The following RARB variants were observed in gnomAD, a reference collection of about 807,000 sequenced individuals.
The protein encoded by RARB is HBV-activated protein.
Under a neutral mutation model 51.9 loss-of-function variants are expected in RARB, and 17 were observed. That is an observed-to-expected ratio of 0.33 (90% CI 0.22 to 0.49). The LOEUF (loss-of-function observed/expected upper bound fraction) is 0.49, where lower values mean the gene tolerates loss of function less well. Ranked by LOEUF, RARB falls within the 20% of genes least tolerant of loss-of-function variation. The pLI, the probability that RARB is intolerant of heterozygous loss-of-function variation, is 0.99. For synonymous variants in RARB, 215 were observed against 195.4 expected (o/e 1.10, Z -0.84); for missense variants, 369 against 550.8 (o/e 0.67, Z 3.30).
chr3:25,260,172 G>A (rs951579888), intron 5 of RARB, among the ~76,000 whole-genome samples: 1 of 152,128 alleles, frequency 6.6e-6, no homozygotes, highest in African/African-American at 2.4e-5. Context: ...CCTGGAATAG[G>A]GCACCCTGGT....
At position 25,247,760 on chromosome 3, in the gene RARB, C is replaced by G. The variant is rs140657821; in HGVS notation, c.178+73185C>G. ...TGGGAGCTGCAGATGGGAGCTGTTC[C>G]TATTTGGCCATCTTGCCCGGGAATC... On this transcript the variant is annotated intron_variant, in intron 5 of 11. Transcript: ENST00000383772. Among the ~76,000 whole-genome samples, 285 of 152,330 alleles carry G rather than the reference C, an allele frequency of 1.9e-3. 2 individuals carry two copies. Among genetic ancestry groups the G allele is most frequent in the Middle Eastern group, 0.014 (4 of 294 alleles).
chr3:25,203,572 G>A (rs983731048), intron 5 of RARB, among the ~76,000 whole-genome samples: 6 of 152,298 alleles, frequency 3.9e-5, no homozygotes, highest in South Asian at 2.1e-4. Flanking sequence ...GCTGGTACTG[G>A]TTGTTCCTTT....
At chr3:24,956,783 TAA>T (rs1037430738) in intron 2 of RARB, among the ~76,000 whole-genome samples, 33 of 152,330 alleles carry the variant, frequency 2.2e-4, no homozygotes, top group African/African-American at 7.7e-4. Flanking sequence ...GAAGTGAACT[TAA>T]GTCAACTTCC....
At chr3:25,464,923 TTAATA>T (rs1695355432) in intron 2 of RARB, among the ~76,000 whole-genome samples, 1 of 152,056 alleles carries the variant, frequency 6.6e-6, no homozygotes, top group Non-Finnish European at 1.5e-5. Flanking sequence ...GGTTATACAA[TTAATA>T]TAGTAGTTTA....
intron 2 of RARB, among the ~76,000 whole-genome samples, chr3:25,040,505 G>T (rs908647726): frequency 1.3e-5 from 2 of 152,078 alleles, no homozygotes; most frequent in African/African-American, 4.8e-5. Flanking sequence ...GGCCTAGGTC[G>T]GCAGATCGCT....
chr3:25,140,328 C>A (rs77817800), intron 4 of RARB, among the ~76,000 whole-genome samples: 3 of 152,108 alleles, frequency 2.0e-5, no homozygotes, highest in Non-Finnish European at 4.4e-5. Flanking sequence ...AGTCAAAATA[C>A]CCACATTTTG....
chr3:24,928,461 G>A (rs781692492), intron 2 of RARB, among the ~76,000 whole-genome samples: 9 of 151,976 alleles, frequency 5.9e-5, no homozygotes, highest in Non-Finnish European at 1.2e-4. Flanking sequence ...CTCCTGAAAT[G>A]TGTTGTACTT....
At position 25,405,407 on chromosome 3, in the gene RARB, A is replaced by G. The variant is rs113552112; in HGVS notation, c.179-55786A>G. 4.6e-5 allele frequency among the ~76,000 whole-genome samples: 7 copies of G among 152,350 alleles called. No individual in the cohort carries two copies. In the South Asian group the frequency reaches 1.2e-3, roughly 27 times the overall value. On this transcript the variant is annotated intron_variant, in intron 5 of 11. Transcript: ENST00000383772. ...ATAAAACAAAATGACAGCCATGAAT[A>G]TACTTGCAAACGTATTATAAGCATT...
intron 3 of RARB, among the ~76,000 whole-genome samples, chr3:25,109,527 A>G (rs1699564986): frequency 6.6e-6 from 1 of 152,206 alleles, no homozygotes; most frequent in Non-Finnish European, 1.5e-5. Flanking sequence ...AGCAAAATAT[A>G]TTTGAAAGTT....
chr3:25,050,445 T>C (rs930588459), intron 2 of RARB, among the ~76,000 whole-genome samples: 1 of 152,014 alleles, frequency 6.6e-6, no homozygotes, highest in Non-Finnish European at 1.5e-5. Flanking sequence ...AAAAAAAAAA[T>C]TAACTCTCAT....
intron 5 of RARB, among the ~76,000 whole-genome samples, chr3:25,418,646 G>A (rs1707773149): frequency 6.6e-6 from 1 of 152,108 alleles, no homozygotes; most frequent in Admixed American, 6.6e-5. Context: ...AAGGTGGTAA[G>A]GGGGGACCAT....
At chr3:25,583,884 T>C (rs1701284209) in intron 5 of RARB, among the ~76,000 whole-genome samples, 1 of 152,170 alleles carries the variant, frequency 6.6e-6, no homozygotes, top group African/African-American at 2.4e-5. Flanking sequence ...TGTTTCTTTC[T>C]TCACTCAAGA....
chr3:25,387,956 G>A (rs1303575574), intron 5 of RARB, among the ~76,000 whole-genome samples: 3 of 151,940 alleles, frequency 2.0e-5, no homozygotes, highest in Admixed American at 6.6e-5. Flanking sequence ...AACTTTCTTA[G>A]AGGCATAAAT....
intron 2 of RARB, among the ~76,000 whole-genome samples, chr3:24,865,388 T>A (rs544407534): frequency 2.6e-5 from 4 of 152,296 alleles, no homozygotes; most frequent in African/African-American, 9.6e-5. Context: ...GTATTTTTTT[T>A]ATGCCAAGCA....
chr3:25,472,265 T>A (rs957022806), intron 2 of RARB, among the ~76,000 whole-genome samples: 1 of 152,152 alleles, frequency 6.6e-6, no homozygotes, highest in African/African-American at 2.4e-5. Context: ...TCCTCTTAGG[T>A]TCTTAGCATC....
At chr3:24,916,340 G>A (rs767173547) in intron 2 of RARB, among the ~76,000 whole-genome samples, 1 of 152,070 alleles carries the variant, frequency 6.6e-6, no homozygotes, top group East Asian at 1.9e-4. Flanking sequence ...CCCACAGAAG[G>A]GCATCAGGAG....
At chr3:25,281,849 T>A (rs1703530959) in intron 5 of RARB, among the ~76,000 whole-genome samples, 2 of 152,224 alleles carry the variant, frequency 1.3e-5, no homozygotes, top group Non-Finnish European at 1.5e-5. Flanking sequence ...GGAAGCTGCA[T>A]CCTCCTACAG....
intron 2 of RARB, among the ~76,000 whole-genome samples, chr3:24,945,436 G>A (rs548521362): frequency 2.0e-5 from 3 of 152,344 alleles, no homozygotes; most frequent in Non-Finnish European, 4.4e-5. Flanking sequence ...TGAGACATAA[G>A]TGATAGCAGT....
rs58078106 is a variant in RARB at position 25,509,321 on chromosome 3, A to G, written c.448+7998A>G. 4.9e-3 allele frequency among the ~76,000 whole-genome samples: 747 copies of G among 152,358 alleles called. 8 individuals carry two copies. The highest frequency in any genetic ancestry group is 0.017 in the African/African-American group (692 of 41,586). ...ATGCATTTAGCACCGTGCTTGGCACATAGTAAGTGCCGAATGAGAGTGGTT... is the reference window on the plus strand; with the variant it reads ...ATGCATTTAGCACCGTGCTTGGCACGTAGTAAGTGCCGAATGAGAGTGGTT... On this transcript the variant is annotated intron_variant, in intron 3 of 7. Coordinates refer to ENST00000330688, the MANE Select transcript of RARB (RefSeq NM_000965.5).
Sources: gnomAD v4.1 joint callset for allele counts (sites outside exome capture counted in the v4.1 genomes callset) on GRCh38, gnomAD v4.1.1 for gene constraint, MANE v1.5 for transcripts, NCBI Gene and HGNC (gene_info 2026-07-23, HGNC 2026-07-21) for gene names.